Variants in PLB1 observed in about 807,000 individuals in gnomAD.
PLB1 encodes the protein phospholipase B1, membrane-associated.
A neutral mutation model predicts 227.4 loss-of-function variants in PLB1; 242 were observed. The ratio of observed to expected loss-of-function variants is 1.06; its 90% CI spans 0.96 to 1.18. The LOEUF (loss-of-function observed/expected upper bound fraction) is 1.18, where lower values mean the gene tolerates loss of function less well. Ranked by LOEUF, PLB1 falls within the 50% of genes most tolerant of loss-of-function variation. The pLI is 0.00. For missense variants in PLB1, 1,858 were observed against 1,816.3 expected, an observed-to-expected ratio of 1.02 and a Z score of -0.42; for synonymous variants, 757 against 682.2, an observed-to-expected ratio of 1.11 and a Z score of -1.71.
At position 28,581,534 on chromosome 2, in the gene PLB1, T is replaced by A. The variant is rs13013697; in HGVS notation, c.1567-534T>A. Among the ~76,000 whole-genome samples, 174 of 123,096 alleles carry A rather than the reference T, an allele frequency of 1.4e-3. 5 individuals are homozygous for A. Among genetic ancestry groups the A allele is most frequent in the African/African-American group, 5.0e-3 (161 of 32,496 alleles). 80.8% of individuals were successfully genotyped at this position (123,096 alleles called of 152,430 possible). On this transcript the variant is annotated intron_variant, in intron 23 of 57. Transcript: ENST00000327757. The stretch of plus-strand genomic sequence containing the variant: ...ATAAATAAATAAATAAATAAATAAA[T>A]AAAATTAAAAAAAGAGGCATAGGCA...
chr2:28,622,423 T>C (rs1687166888), intron 49 of PLB1, among the ~76,000 whole-genome samples: 1 of 152,218 alleles, frequency 6.6e-6, no homozygotes, highest in South Asian at 2.1e-4. Context: ...GAAAAGAATG[T>C]AGTACCACAC....
Position 28,643,313 on chromosome 2 carries a change from C to T in PLB1, c.*252C>T. On this transcript the variant is annotated 3_prime_UTR_variant, in exon 58 of 58. Transcript: ENST00000327757. ...AAGCACTCACCTTCCATCTCTTGTG[C>T]AGCCCAGGTGTGGGAGCTGCCACTT... is the stretch of plus-strand genomic sequence containing the variant. The T allele has an allele frequency of 2.7e-6, 1 of 373,986 alleles. No individual in the cohort carries two copies. The highest frequency in any genetic ancestry group is 4.8e-6 in the Non-Finnish European group (1 of 207,294). The allele number at this position is 373,986 out of a possible 1,614,324, so 23.2% of individuals were successfully genotyped here. A position where few individuals can be genotyped will look rare whatever the true frequency, so the allele number is the denominator to read the frequency against.
chr2:28,553,698 A>AGG (rs201172247), intron 17 of PLB1, among the ~76,000 whole-genome samples: 1 of 151,792 alleles, frequency 6.6e-6, no homozygotes, highest in Non-Finnish European at 1.5e-5. Flanking sequence ...TTGGTCCTAA[A>AGG]GGGGGGGGAC....
Position 28,543,221 on chromosome 2 carries a change from C to G in PLB1, c.889C>G (p.Arg297Gly). 1.2e-6 allele frequency: 2 copies of G among 1,610,958 alleles called. No homozygotes were observed. Among genetic ancestry groups the G allele is most frequent in the Non-Finnish European group, 8.5e-7 (1 of 1,178,782 alleles). ...TTPSLHSEDP[R>G]LQDSTTLAWH... ...ACTGGTTCTCTTTTAGGAGGACCCC[C>G]GACTCCAGGATTCTACCACGCTGGC... The change falls in exon 14 of 58, where the codon CGA becomes GGA. Residue 297 changes from arginine to glycine, a missense_variant. Arg to Gly is a moderately radical substitution (Grantham distance 125, BLOSUM62 -2). Coordinates refer to ENST00000327757, the MANE Select transcript of PLB1 (RefSeq NM_153021.5).
At chr2:28,542,024 T>C (rs887206668) in intron 13 of PLB1, among the ~76,000 whole-genome samples, 1 of 151,790 alleles carries the variant, frequency 6.6e-6, no homozygotes, top group African/African-American at 2.4e-5. Flanking sequence ...TCCCAGCTAC[T>C]CTGGAGGCTG....
intron 36 of PLB1, 58 bp from the exon 37 acceptor site, chr2:28,601,194 C>A: frequency 2.1e-6 from 3 of 1,395,806 alleles, no homozygotes; most frequent in Non-Finnish European, 3.0e-6. Flanking sequence ...TTTCCTAGGG[C>A]AGGGATATTT....
chr2:28,572,314 G>A (rs1230022033), intron 20 of PLB1, among the ~76,000 whole-genome samples: 1 of 152,188 alleles, frequency 6.6e-6, no homozygotes, highest in Non-Finnish European at 1.5e-5. Context: ...ATGTAAAAAT[G>A]GTGCACCTGC....
At position 28,578,122 on chromosome 2, in the gene PLB1, G is replaced by T. The variant is rs147751327; in HGVS notation, c.1449G>T (p.Gln483His). 205 of 1,614,144 alleles carry T rather than the reference G, an allele frequency of 1.3e-4. No homozygotes were observed. The African/African-American group carries it at 2.5e-3, about 20-fold the overall frequency. ...AGGRAEDLPV[Q>H]ARRLVDLMKN... ...GTTTCCACAGGGATCTACCTGTCCAGGCCAGGAGGCTGGTGGACCTGATGA... is the reference window on the plus strand; with the variant it reads ...GTTTCCACAGGGATCTACCTGTCCATGCCAGGAGGCTGGTGGACCTGATGA... The change falls in exon 22 of 58, where the codon CAG becomes CAT. Residue 483 changes from glutamine to histidine, a missense_variant. Coordinates refer to ENST00000327757, the MANE Select transcript of PLB1 (RefSeq NM_153021.5).
chr2:28,544,630 C>T (rs1163784398), intron 14 of PLB1, among the ~76,000 whole-genome samples: 2 of 152,174 alleles, frequency 1.3e-5, no homozygotes, highest in African/African-American at 2.4e-5. Flanking sequence ...AAAAGGGACT[C>T]AGCCAGCAGT....
intron 9 of PLB1, among the ~76,000 whole-genome samples, chr2:28,536,064 C>G (rs1172902804): frequency 6.6e-6 from 1 of 152,182 alleles, no homozygotes; most frequent in African/African-American, 2.4e-5. Flanking sequence ...AAAGTTCACA[C>G]GAGAAAAACA....
intron 47 of PLB1, 105 bp downstream of exon 47, chr2:28,620,437 C>A: frequency 7.4e-7 from 1 of 1,355,828 alleles, no homozygotes; most frequent in Non-Finnish European, 1.0e-6. Flanking sequence ...GTCCCCAGGT[C>A]CCAGCGCTGA....
At chr2:28,593,542 G>A (rs1025028878) in intron 32 of PLB1, 139 bp from the exon 33 acceptor site, 3 of 695,184 alleles carry the variant, frequency 4.3e-6, no homozygotes, top group Non-Finnish European at 7.6e-6. Context: ...CAGACTTAGA[G>A]CCAGGGGCTC....
chr2:28,633,035 A>C lies in PLB1; in HGVS notation c.4094A>C (p.Asn1365Thr). The C allele has an allele frequency of 6.2e-7, 1 of 1,613,816 alleles. No homozygotes were observed. Among genetic ancestry groups the C allele is most frequent in the African/African-American group, 1.3e-5 (1 of 75,036 alleles). Reference protein sequence around the residue: ...HAEMAIALWNNMLEPVGRKTT... With the variant: ...HAEMAIALWNTMLEPVGRKTT... ...GAGATGGCCATCGCACTCTGGAACAACATGGTGAGCAGCCAAGGGCCTGGT... is the reference window on the plus strand; with the variant it reads ...GAGATGGCCATCGCACTCTGGAACACCATGGTGAGCAGCCAAGGGCCTGGT... The change falls in exon 56 of 58, where the codon AAC becomes ACC. Residue 1365 changes from asparagine (N) to threonine (T), a missense_variant. Transcript: ENST00000327757.
At chr2:28,506,986 C>T (rs774553107) in intron 1 of PLB1, among the ~76,000 whole-genome samples, 7 of 152,226 alleles carry the variant, frequency 4.6e-5, no homozygotes, top group Non-Finnish European at 8.8e-5. Context: ...GACGGTCTCC[C>T]TTCCTGAGAC....
chr2:28,626,389 C>T (rs1687779861), intron 50 of PLB1, 39 bp from the exon 51 acceptor site: 3 of 1,574,524 alleles, frequency 1.9e-6, no homozygotes, highest in Non-Finnish European at 1.7e-6. Context: ...GTATGTGCCT[C>T]CCACCAAGGC....
intron 17 of PLB1, among the ~76,000 whole-genome samples, chr2:28,558,336 C>T (rs754432171): frequency 6.6e-5 from 10 of 152,134 alleles, no homozygotes; most frequent in African/African-American, 1.2e-4. Flanking sequence ...CATTTGCATA[C>T]GAGCTAGTGT....
chr2:28,573,524 C>T (rs536255447), intron 21 of PLB1, among the ~76,000 whole-genome samples: 149 of 152,302 alleles, frequency 9.8e-4, no homozygotes, highest in African/African-American at 3.5e-3. Context: ...GACTCTGATG[C>T]CAGGCATATG....
In PLB1 at chr2:28,538,993, A is replaced by C. The variant is rs554981134; in HGVS notation, c.619-106A>C. 98 of 864,918 alleles carry C rather than the reference A, an allele frequency of 1.1e-4. 1 individual carries two copies. Among genetic ancestry groups the C allele is most frequent in the South Asian group, 6.6e-4 (49 of 74,354 alleles). The allele number at this position is 864,918 out of a possible 1,614,324, so 53.6% of individuals were successfully genotyped here. On this transcript the variant is annotated intron_variant, in intron 10 of 57. Transcript: ENST00000327757. ...GGCCCAGTTAACCAAGGGGAGGCCC[A>C]TCACACTCAACCACACCCCAACGGG...
chr2:28,628,579 C>G lies in PLB1; in HGVS notation c.3677C>G (p.Thr1226Arg). The G allele has an allele frequency of 6.2e-7, 1 of 1,614,108 alleles. No homozygotes were observed. Among genetic ancestry groups the G allele is most frequent in the African/African-American group, 1.3e-5 (1 of 75,014 alleles). The change falls in exon 52 of 58, where the codon ACG (threonine) becomes AGG (arginine). Residue 1226 changes from threonine (T) to arginine (R), a missense_variant. Transcript: ENST00000327757. ...TCCTTACAGGAGGCCCACTTGGCCA[C>G]GGAATATGTTCAGCACATCCAACAG... ...YCENPEAHLATEYVQHIQQAL... is the reference protein window; with the variant it reads ...YCENPEAHLAREYVQHIQQAL...
Sources: allele counts gnomAD v4.1 joint callset (sites outside exome capture counted in the v4.1 genomes callset), GRCh38; gene constraint gnomAD v4.1.1; transcripts MANE v1.5; gene names NCBI Gene and HGNC (gene_info 2026-07-23, HGNC 2026-07-21).